Variants in ATP10B observed in about 807,000 individuals in gnomAD.
The protein encoded by ATP10B is ATPase phospholipid transporting 10B (putative), also known as phospholipid-transporting ATPase VB.
In ATP10B, 122 loss-of-function variants were observed where a neutral mutation model predicts 141.2. The ratio of observed to expected loss-of-function variants is 0.86; its 90% CI spans 0.75 to 1.00. The LOEUF (loss-of-function observed/expected upper bound fraction) is 1.00. ATP10B is among the 50% of genes least tolerant of loss of function. The probability of loss-of-function intolerance (pLI) is 0.00; values close to 1 mark genes in which losing one functional copy is unlikely to be tolerated. For missense variants in ATP10B, 1,876 were observed against 1,825.3 expected (o/e 1.03, Z -0.51); for synonymous variants, 685 against 692.0 (o/e 0.99, Z 0.16).
At chr5:160,678,944 T>TA (rs1435445308) in intron 6 of ATP10B, among the ~76,000 whole-genome samples, 1 of 152,220 alleles carries the variant, frequency 6.6e-6, no homozygotes, top group Non-Finnish European at 1.5e-5. Context: ...TCCTGAAGTT[T>TA]ATTTCTATAG....
At chr5:160,867,372 G>A in the ATP10B span, among the ~76,000 whole-genome samples, 3 of 151,952 alleles carry the variant, frequency 2.0e-5, no homozygotes, top group Admixed American at 6.6e-5. Flanking sequence ...TATAGCACTG[G>A]TCTTGTTTGT....
chr5:160,604,757 T>C (rs1490849556), intron 19 of ATP10B, among the ~76,000 whole-genome samples: 1 of 152,174 alleles, frequency 6.6e-6, no homozygotes, highest in Non-Finnish European at 1.5e-5. Context: ...ATACCAAGAC[T>C]GTTCAAGATC....
chr5:160,698,170 T>C (rs1186846922), intron 3 of ATP10B, among the ~76,000 whole-genome samples: 8 of 152,162 alleles, frequency 5.3e-5, no homozygotes, highest in African/African-American at 1.7e-4. Flanking sequence ...TGTAAAACTC[T>C]TGGATTCTCT....
intron 7 of ATP10B, among the ~76,000 whole-genome samples, chr5:160,662,317 A>C (rs906020517): frequency 1.3e-5 from 2 of 152,224 alleles, no homozygotes; most frequent in African/African-American, 4.8e-5. Context: ...TATGGAACCA[A>C]AAAAGAGCCC....
chr5:160,738,586 G>A (rs935091650), intron 2 of ATP10B, among the ~76,000 whole-genome samples: 2 of 152,012 alleles, frequency 1.3e-5, no homozygotes, highest in African/African-American at 4.8e-5. Context: ...ATCATGAAAG[G>A]ATAATAAAGG....
intron 25 of ATP10B, 31 bp downstream of exon 25, chr5:160,569,465 T>G: frequency 3.1e-6 from 5 of 1,610,820 alleles, no homozygotes; most frequent in Non-Finnish European, 4.2e-6. Context: ...TTGGTAATTT[T>G]AGGAAAGAAA....
the ATP10B span, among the ~76,000 whole-genome samples, chr5:160,860,501 G>A: frequency 6.6e-6 from 1 of 151,776 alleles, no homozygotes; most frequent in African/African-American, 2.4e-5. Context: ...GAAGGAATAT[G>A]AAATCTCCTA....
the ATP10B span, among the ~76,000 whole-genome samples, chr5:160,894,219 A>C: frequency 6.6e-6 from 1 of 152,116 alleles, no homozygotes; most frequent in East Asian, 1.9e-4. Flanking sequence ...GCCTGTTGGA[A>C]GCAGGCTTCA....
At chr5:160,645,475 T>C (rs1336397512) in intron 8 of ATP10B, among the ~76,000 whole-genome samples, 1 of 152,218 alleles carries the variant, frequency 6.6e-6, no homozygotes, top group Admixed American at 6.5e-5. Flanking sequence ...TTTCACCTGC[T>C]CAACAGCTCA....
intron 17 of ATP10B, among the ~76,000 whole-genome samples, chr5:160,613,529 T>A (rs190760775): frequency 4.6e-5 from 7 of 152,264 alleles, no homozygotes; most frequent in African/African-American, 1.7e-4. Flanking sequence ...AGAATAGGTT[T>A]GAGATTGGAA....
chr5:160,676,908 C>T (rs906983823), intron 6 of ATP10B, among the ~76,000 whole-genome samples: 5 of 152,166 alleles, frequency 3.3e-5, no homozygotes, highest in African/African-American at 1.2e-4. Context: ...CATAAGGTCA[C>T]ACAGGTGTGT....
intron 1 of ATP10B, among the ~76,000 whole-genome samples, chr5:160,812,795 T>C (rs1773267041): frequency 1.3e-5 from 2 of 152,196 alleles, no homozygotes; most frequent in East Asian, 1.9e-4. Flanking sequence ...CTAAAAGTTA[T>C]ATTGGCCTTA....
chr5:160,599,890 C>T (rs1009152577), intron 21 of ATP10B, among the ~76,000 whole-genome samples: 45 of 152,298 alleles, frequency 3.0e-4, no homozygotes, highest in African/African-American at 1.0e-3. Context: ...GGGGCTGAGG[C>T]ACAGAGATGT....
At chr5:160,876,793 GA>G in the ATP10B span, among the ~76,000 whole-genome samples, 6 of 150,826 alleles carry the variant, frequency 4.0e-5, no homozygotes, top group Non-Finnish European at 8.9e-5. Flanking sequence ...AGAAGAAATG[GA>G]TAAATTCCTG....
chr5:160,784,922 A>C (rs553707254), intron 2 of ATP10B, among the ~76,000 whole-genome samples: 1 of 152,150 alleles, frequency 6.6e-6, no homozygotes, highest in Non-Finnish European at 1.5e-5. Flanking sequence ...CCTTTTCTCC[A>C]CACAACCATG....
chr5:160,830,993 A>ACT (rs1274752627), intron 1 of ATP10B, among the ~76,000 whole-genome samples: 1 of 150,916 alleles, frequency 6.6e-6, no homozygotes, highest in Non-Finnish European at 1.5e-5. Flanking sequence ...ACACACACAC[A>ACT]CACACAGAGT....
chr5:160,651,120 A>G (rs1581264777), intron 7 of ATP10B, among the ~76,000 whole-genome samples: 2 of 152,202 alleles, frequency 1.3e-5, no homozygotes, highest in South Asian at 4.1e-4. Context: ...CCGTCATTCT[A>G]TGAAGTAGGA....
At chr5:160,867,582 T>C in the ATP10B span, among the ~76,000 whole-genome samples, 1 of 152,108 alleles carries the variant, frequency 6.6e-6, no homozygotes, top group African/African-American at 2.4e-5. Flanking sequence ...CATACTTTAT[T>C]ATAAAGATAA....
chr5:160,817,475 A>T (rs1229218741), intron 1 of ATP10B, among the ~76,000 whole-genome samples: 1 of 152,156 alleles, frequency 6.6e-6, no homozygotes, highest in African/African-American at 2.4e-5. Context: ...ATAACTACAA[A>T]CCACGGCTCA....
Sources: gnomAD v4.1 joint callset for allele counts (sites outside exome capture counted in the v4.1 genomes callset) on GRCh38, gnomAD v4.1.1 for gene constraint, MANE v1.5 for transcripts, NCBI Gene and HGNC (gene_info 2026-07-23, HGNC 2026-07-21) for gene names.